The following GALNT13 variants were observed in gnomAD, a reference collection of about 807,000 sequenced individuals.
GALNT13 encodes UDP-GalNAc:polypeptide N-acetylgalactosaminyltransferase 13.
A neutral mutation model predicts 64.2 loss-of-function variants in GALNT13; 28 were observed. The ratio of observed to expected loss-of-function variants is 0.44; its 90% CI spans 0.32 to 0.60. GALNT13 has a LOEUF of 0.60. Ranked by LOEUF, GALNT13 falls within the 20% of genes least tolerant of loss-of-function variation. The pLI, the probability that GALNT13 is intolerant of heterozygous loss-of-function variation, is 0.05. For missense variants in GALNT13, 577 were observed against 669.8 expected (o/e 0.86, Z 1.53); for synonymous variants, 214 against 224.6 (o/e 0.95, Z 0.42).
downstream of GALNT13, among the ~76,000 whole-genome samples, chr2:154,455,886 G>A (rs565831342): frequency 1.6e-3 from 241 of 152,190 alleles, no homozygotes; most frequent in African/African-American, 4.0e-3. Flanking sequence ...CTTGTGTTAT[G>A]TTATATAAAG....
chr2:153,570,349 C>A, the GALNT13 span, among the ~76,000 whole-genome samples: 131 of 152,216 alleles, frequency 8.6e-4, no homozygotes, highest in South Asian at 2.9e-3. Context: ...GGCTGTCAAT[C>A]CCTTGTCAGA....
the GALNT13 span, among the ~76,000 whole-genome samples, chr2:153,708,221 G>A: frequency 2.1e-3 from 313 of 152,188 alleles, 1 homozygote; most frequent in African/African-American, 6.5e-3. Context: ...AACTACTGGT[G>A]TATGTTCCCT....
At chr2:153,769,724 C>T in the GALNT13 span, among the ~76,000 whole-genome samples, 6 of 152,150 alleles carry the variant, frequency 3.9e-5, no homozygotes, top group Non-Finnish European at 7.3e-5. Context: ...ACATATAACT[C>T]ATAAGTTTGA....
chr2:153,387,701 A>T, the GALNT13 span, among the ~76,000 whole-genome samples: 1 of 152,094 alleles, frequency 6.6e-6, no homozygotes, highest in Non-Finnish European at 1.5e-5. Context: ...CTTAAACTGT[A>T]GCCCAAACTG....
At chr2:154,024,446 C>A (rs1697783401) in intron 3 of GALNT13, among the ~76,000 whole-genome samples, 1 of 152,150 alleles carries the variant, frequency 6.6e-6, no homozygotes, top group Admixed American at 6.6e-5. Flanking sequence ...TTTATTTCGT[C>A]TTCCATCACT....
At chr2:153,899,059 A>AT (rs1465691615) in intron 1 of GALNT13, among the ~76,000 whole-genome samples, 1 of 152,138 alleles carries the variant, frequency 6.6e-6, no homozygotes, top group Non-Finnish European at 1.5e-5. Flanking sequence ...ACATATAAGG[A>AT]TTTTTTATGA....
At chr2:153,307,548 T>C in the GALNT13 span, among the ~76,000 whole-genome samples, 4 of 152,154 alleles carry the variant, frequency 2.6e-5, no homozygotes, top group African/African-American at 9.7e-5. Flanking sequence ...TTTCATGTTA[T>C]GTGTATTTAG....
At chr2:153,540,841 C>T in the GALNT13 span, among the ~76,000 whole-genome samples, 1 of 152,166 alleles carries the variant, frequency 6.6e-6, no homozygotes, top group Non-Finnish European at 1.5e-5. Context: ...TATCTGTACC[C>T]CCATTGTATC....
At chr2:154,384,907 A>G (rs1446060293) in intron 9 of GALNT13, among the ~76,000 whole-genome samples, 1 of 151,892 alleles carries the variant, frequency 6.6e-6, no homozygotes, top group Non-Finnish European at 1.5e-5. Context: ...AACAACAATT[A>G]AGATGCATTA....
At chr2:154,338,080 G>A (rs1009448262) in intron 9 of GALNT13, among the ~76,000 whole-genome samples, 1 of 151,992 alleles carries the variant, frequency 6.6e-6, no homozygotes, top group Admixed American at 6.6e-5. Context: ...TGAGTACCTT[G>A]TCCCCCTGGC....
At chr2:154,125,944 C>T (rs1682235169) in intron 3 of GALNT13, among the ~76,000 whole-genome samples, 1 of 152,154 alleles carries the variant, frequency 6.6e-6, no homozygotes, top group Non-Finnish European at 1.5e-5. Context: ...AGGGTACAAT[C>T]TACCTTCTGT....
At chr2:153,414,386 T>TA in the GALNT13 span, among the ~76,000 whole-genome samples, 63 of 128,856 alleles carry the variant, frequency 4.9e-4, no homozygotes, top group East Asian at 1.3e-3. Flanking sequence ...AAAATAAAAA[T>TA]AAAAAAAAAA....
chr2:153,578,112 T>C, the GALNT13 span, among the ~76,000 whole-genome samples: 2 of 152,170 alleles, frequency 1.3e-5, no homozygotes, highest in Admixed American at 1.3e-4. Context: ...GTCTTTAAAA[T>C]AGTTTCCTTT....
chr2:153,152,573 ACCCT>A, the GALNT13 span, among the ~76,000 whole-genome samples: 5 of 151,464 alleles, frequency 3.3e-5, no homozygotes. Flanking sequence ...CCCATCCTCC[ACCCT>A]CCAAAAGGTC....
At chr2:153,637,102 C>G in the GALNT13 span, among the ~76,000 whole-genome samples, 1 of 152,048 alleles carries the variant, frequency 6.6e-6, no homozygotes, top group African/African-American at 2.4e-5. Context: ...GTCTGAAGCT[C>G]CATTTTACCT....
chr2:154,430,436 C>T (rs926929190), intron 11 of GALNT13, among the ~76,000 whole-genome samples: 13 of 151,970 alleles, frequency 8.6e-5, no homozygotes, highest in Non-Finnish European at 1.8e-4. Flanking sequence ...GAGTGGAGCC[C>T]GAAGACGTCA....
intron 2 of GALNT13, among the ~76,000 whole-genome samples, chr2:153,942,785 C>A (rs890795169): frequency 1.3e-5 from 2 of 151,718 alleles, no homozygotes; most frequent in African/African-American, 4.8e-5. Flanking sequence ...TTGTAACTGG[C>A]GCTTTATGTG....
At chr2:154,081,533 A>G (rs1448013104) in intron 3 of GALNT13, among the ~76,000 whole-genome samples, 1 of 151,664 alleles carries the variant, frequency 6.6e-6, no homozygotes, top group Non-Finnish European at 1.5e-5. Flanking sequence ...GCCATGATGG[A>G]TCAAGCATTA....
chr2:154,428,001 G>T (rs1453710940), intron 11 of GALNT13, among the ~76,000 whole-genome samples: 1 of 152,080 alleles, frequency 6.6e-6, no homozygotes, highest in Non-Finnish European at 1.5e-5. Flanking sequence ...TTATCTCTTT[G>T]ATTTCAATAC....
Sources: gnomAD v4.1 joint callset for allele counts (sites outside exome capture counted in the v4.1 genomes callset) on GRCh38, gnomAD v4.1.1 for gene constraint, MANE v1.5 for transcripts, NCBI Gene and HGNC (gene_info 2026-07-23, HGNC 2026-07-21) for gene names.